ADAM17: variants seen among roughly 807,000 people sequenced by gnomAD.
The protein encoded by ADAM17 is ADAM metallopeptidase domain 17, also known as disintegrin and metalloproteinase domain-containing protein 17.
In ADAM17, 39 loss-of-function variants were observed where a neutral mutation model predicts 96.7. That is an observed-to-expected ratio of 0.40 (90% CI 0.31 to 0.53). The LOEUF is 0.53. Ranked by LOEUF, ADAM17 falls within the 20% of genes least tolerant of loss-of-function variation. The probability of loss-of-function intolerance (pLI) is 0.44; values close to 1 mark genes in which losing one functional copy is unlikely to be tolerated. For missense variants in ADAM17, 777 were observed against 1,013.2 expected, an observed-to-expected ratio of 0.77 and a Z score of 3.17; for synonymous variants, 344 against 359.2, an observed-to-expected ratio of 0.96 and a Z score of 0.48.
intron 7 of ADAM17, chr2:9,522,486 T>C (rs1159932682): frequency 3.5e-6 from 2 of 571,606 alleles, no homozygotes; most frequent in Middle Eastern, 2.9e-4. Flanking sequence ...AAGGGAAAAA[T>C]AATTCTCTTA....
intron 4 of ADAM17, among the ~76,000 whole-genome samples, chr2:9,528,660 G>A: frequency 6.6e-6 from 1 of 152,158 alleles, no homozygotes; most frequent in East Asian, 1.9e-4. Context: ...GGTCTCATCA[G>A]AACCAGGCAG....
At chr2:9,543,005 G>T in intron 2 of ADAM17, 148 bp downstream of exon 2, 1 of 1,064,330 alleles carries the variant, frequency 9.4e-7, no homozygotes, top group Non-Finnish European at 1.3e-6. Flanking sequence ...GCCCCAGTAT[G>T]AATTTTAGAA....
intron 8 of ADAM17, among the ~76,000 whole-genome samples, chr2:9,520,964 C>CACAAAAAAAAAAAAAAAAAAAAAAAAAAA (rs1664281801): frequency 3.8e-5 from 1 of 26,284 alleles, no homozygotes; most frequent in Non-Finnish European, 8.8e-5. Context: ...AACTCTGTCT[C>CACAAAAAAAAAAAAAAAAAAAAAAAAAAA]AAAAAAAAAA....
intron 3 of ADAM17, among the ~76,000 whole-genome samples, 178 bp from the exon 4 acceptor site, chr2:9,536,100 A>G (rs1024197775): frequency 6.6e-6 from 1 of 152,208 alleles, no homozygotes; most frequent in Non-Finnish European, 1.5e-5. Context: ...CCTAAGGGGT[A>G]GCCTCAAGTT....
chr2:9,529,692 C>T (rs192244195), intron 4 of ADAM17, among the ~76,000 whole-genome samples: 15 of 152,174 alleles, frequency 9.9e-5, no homozygotes, highest in East Asian at 3.9e-4. Flanking sequence ...CGAAAACTGC[C>T]GGGCGCGATG....
At chr2:9,501,604 C>T (rs1663009477) in intron 13 of ADAM17, among the ~76,000 whole-genome samples, 1 of 152,134 alleles carries the variant, frequency 6.6e-6, no homozygotes, top group Non-Finnish European at 1.5e-5. Flanking sequence ...CAGTGAAATA[C>T]ATATAGATAC....
chr2:9,524,526 G>T (rs562213034), intron 6 of ADAM17, among the ~76,000 whole-genome samples: 2 of 151,956 alleles, frequency 1.3e-5, no homozygotes, highest in African/African-American at 4.8e-5. Flanking sequence ...AGGGAAGAAG[G>T]TCAGTGCTTC....
intron 2 of ADAM17, among the ~76,000 whole-genome samples, chr2:9,540,336 AT>A (rs369737771): frequency 2.6e-4 from 40 of 152,142 alleles, no homozygotes; most frequent in African/African-American, 8.9e-4. Flanking sequence ...TGTATCTGTC[AT>A]TTACTAGCTG....
rs540085996 is a variant in ADAM17, at chr2:9,494,770, G to A, written c.1784-3C>T. ...CACCTTGCAGGAGTTGTCAGTTTCT[G>A]GAACAGAGAACACGCATTGACAGCT... On this transcript the variant is annotated splice_polypyrimidine_tract_variant and splice_region_variant and intron_variant, in intron 14 of 18. Transcript: ENST00000310823. The A allele has an allele frequency of 1.1e-5, 18 of 1,613,730 alleles. No homozygotes were observed. The East Asian group carries it at 3.8e-4, about 34-fold the overall frequency.
At chr2:9,516,652 T>C (rs12471640) in intron 10 of ADAM17, among the ~76,000 whole-genome samples, 62,843 of 151,706 alleles carry the variant, frequency 0.41, 14,171 homozygotes, top group Middle Eastern at 0.62. Context: ...ACTCAGGAGG[T>C]TGAAGCAGGA....
At chr2:9,509,708 T>C (rs1663625358) in intron 11 of ADAM17, among the ~76,000 whole-genome samples, 1 of 151,910 alleles carries the variant, frequency 6.6e-6, no homozygotes, top group South Asian at 2.1e-4. Flanking sequence ...AATCCAGAAC[T>C]CCAAAAAAAG....
chr2:9,530,742 GAA>G (rs1284120450), intron 4 of ADAM17, among the ~76,000 whole-genome samples: 1 of 152,090 alleles, frequency 6.6e-6, no homozygotes, highest in African/African-American at 2.4e-5. Context: ...TACAGCTATA[GAA>G]AAGAGTGCCT....
intron 12 of ADAM17, among the ~76,000 whole-genome samples, chr2:9,503,083 T>C (rs1425761337): frequency 1.4e-5 from 2 of 141,284 alleles, no homozygotes; most frequent in African/African-American, 5.4e-5. Flanking sequence ...GAGGTTGCGG[T>C]GAGCCAAGAT....
intron 2 of ADAM17, among the ~76,000 whole-genome samples, chr2:9,540,863 G>C (rs1466252415): frequency 6.6e-6 from 1 of 152,186 alleles, no homozygotes; most frequent in Non-Finnish European, 1.5e-5. Context: ...CCCTTTAGAG[G>C]GGTGACAGTT....
Position 9,521,332 on chromosome 2 carries a change from T to C in ADAM17, c.844-16A>G, listed in dbSNP as rs758090421. On this transcript the variant is annotated splice_polypyrimidine_tract_variant and intron_variant, in intron 7 of 18. Coordinates refer to ENST00000310823, the MANE Select transcript of ADAM17 (RefSeq NM_003183.6). ...GAATGCGAATCTATACTTAAAGAGA[T>C]CATATACTTAGAACACTTCCAAAAT... is the stretch of plus-strand genomic sequence containing the variant. 1.6e-5 allele frequency: 25 copies of C among 1,530,214 alleles called. No individual in the cohort carries two copies. The highest frequency in any genetic ancestry group is 2.3e-5 in the Non-Finnish European group (25 of 1,104,918). 94.8% of individuals were successfully genotyped at this position (1,530,214 alleles called of 1,614,324 possible).
rs761061102 is a variant in ADAM17, at chr2:9,517,937, C to T, written c.1155G>A (p.Thr385=). 3.1e-6 allele frequency: 5 copies of T among 1,603,982 alleles called. No homozygotes were observed. Among genetic ancestry groups the T allele is most frequent in the South Asian group, 1.1e-5 (1 of 88,390 alleles). ...TGGTTTTACCATAATTCTTTGTGCT[C>T]GTCAAACCACTATTCAAATAGATAT... is the stretch of plus-strand genomic sequence containing the variant. ...KKNIYLNSGL[T]STKNYGKTIL... The change falls in exon 10 of 19, where the codon ACG becomes ACA. Residue 385 remains threonine, a synonymous_variant. Coordinates refer to ENST00000310823, the MANE Select transcript of ADAM17 (RefSeq NM_003183.6).
chr2:9,540,728 T>G (rs1194523471), intron 2 of ADAM17, among the ~76,000 whole-genome samples: 1 of 152,014 alleles, frequency 6.6e-6, no homozygotes, highest in Non-Finnish European at 1.5e-5. Context: ...ACAAATTCAA[T>G]AGAAAAATAG....
intron 1 of ADAM17, among the ~76,000 whole-genome samples, chr2:9,544,217 T>C (rs1177837439): frequency 1.3e-5 from 2 of 152,136 alleles, no homozygotes; most frequent in African/African-American, 4.8e-5. Flanking sequence ...CAATCTCTAA[T>C]GAAAAACCTA....
At chr2:9,539,377 A>G (rs1243656397) in intron 2 of ADAM17, among the ~76,000 whole-genome samples, 1 of 152,166 alleles carries the variant, frequency 6.6e-6, no homozygotes, top group Non-Finnish European at 1.5e-5. Context: ...GGCCTCCCAA[A>G]GTGCTGGGAT....
Sources: gnomAD v4.1 joint callset for allele counts (sites outside exome capture counted in the v4.1 genomes callset) on GRCh38, gnomAD v4.1.1 for gene constraint, MANE v1.5 for transcripts, NCBI Gene and HGNC (gene_info 2026-07-23, HGNC 2026-07-21) for gene names.